Variants in PTPRM observed in about 807,000 individuals in gnomAD.
PTPRM encodes protein tyrosine phosphatase receptor type M, also known as receptor-type tyrosine-protein phosphatase mu.
Under a neutral mutation model 186.7 loss-of-function variants are expected in PTPRM, and 47 were observed. That is an observed-to-expected ratio of 0.25 (90% CI 0.20 to 0.32). The LOEUF (loss-of-function observed/expected upper bound fraction) is 0.32. Among genes scored for constraint, PTPRM ranks in the 10% least tolerant of loss-of-function variants. PTPRM has a pLI of 1.00. For missense variants in PTPRM, 1,494 were observed against 1,865.0 expected (o/e 0.80, Z 3.66); for synonymous variants, 668 against 674.9 (o/e 0.99, Z 0.16).
At chr18:8,031,577 C>T (rs574114449) in intron 7 of PTPRM, among the ~76,000 whole-genome samples, 49 of 152,204 alleles carry the variant, frequency 3.2e-4, no homozygotes, top group African/African-American at 1.1e-3. Flanking sequence ...GAATGAATTA[C>T]AGAAAGACAT....
At chr18:7,811,518 G>A (rs1194884229) in intron 2 of PTPRM, among the ~76,000 whole-genome samples, 3 of 152,134 alleles carry the variant, frequency 2.0e-5, no homozygotes, top group Admixed American at 6.5e-5. Flanking sequence ...CCACCAAGCC[G>A]AGTTCATTTT....
chr18:7,651,113 G>A (rs2038692354), intron 1 of PTPRM, among the ~76,000 whole-genome samples: 1 of 151,650 alleles, frequency 6.6e-6, no homozygotes, highest in African/African-American at 2.4e-5. Context: ...TGTATTTTTA[G>A]TAGAGATGGA....
intron 7 of PTPRM, chr18:8,049,411 A>G (rs959504321): frequency 2.0e-5 from 3 of 152,242 alleles, no homozygotes; most frequent in Non-Finnish European, 4.4e-5. Flanking sequence ...AAACTTGGAA[A>G]GGCTTTTCAC....
intron 7 of PTPRM, among the ~76,000 whole-genome samples, chr18:8,023,631 A>G (rs1238263064): frequency 6.6e-6 from 1 of 152,200 alleles, no homozygotes; most frequent in African/African-American, 2.4e-5. Flanking sequence ...TAGACTAAGT[A>G]ATGTGAGAGG....
intron 1 of PTPRM, among the ~76,000 whole-genome samples, chr18:7,593,891 A>G (rs774136067): frequency 8.5e-5 from 13 of 152,178 alleles, no homozygotes; most frequent in Non-Finnish European, 1.6e-4. Context: ...GTGGAGACCA[A>G]GACTTAGAAA....
intron 7 of PTPRM, among the ~76,000 whole-genome samples, chr18:8,015,567 C>A (rs2084806960): frequency 7.4e-6 from 1 of 136,016 alleles, no homozygotes; most frequent in Admixed American, 7.6e-5. Context: ...CTCTGATTGA[C>A]AACCTTGCTT....
At chr18:8,172,132 T>TTACA (rs1204394680) in intron 14 of PTPRM, among the ~76,000 whole-genome samples, 1 of 152,122 alleles carries the variant, frequency 6.6e-6, no homozygotes, top group Non-Finnish European at 1.5e-5. Flanking sequence ...ACTGAGCAGT[T>TTACA]TACAAAAGAA....
intron 4 of PTPRM, among the ~76,000 whole-genome samples, chr18:7,919,592 T>C (rs1056655857): frequency 1.3e-5 from 2 of 152,184 alleles, no homozygotes; most frequent in Admixed American, 6.5e-5. Context: ...ATATTATTTC[T>C]ACTTTTTTAA....
At chr18:8,247,292 G>A (rs2094485971) in intron 15 of PTPRM, among the ~76,000 whole-genome samples, 1 of 152,176 alleles carries the variant, frequency 6.6e-6, no homozygotes, top group Non-Finnish European at 1.5e-5. Flanking sequence ...GAGTGTTTCA[G>A]AGGAATATTT....
rs531571037 is a variant in PTPRM at position 8,119,440 on chromosome 18, A to G, written c.2167+4613A>G. 5.9e-5 allele frequency among the ~76,000 whole-genome samples: 9 copies of G among 152,300 alleles called. 1 individual carries two copies. The highest frequency in any genetic ancestry group is 2.2e-4 in the African/African-American group (9 of 41,570). On this transcript the variant is annotated intron_variant, in intron 13 of 32. Transcript: ENST00000580170. ...TAATTAAGATTCCGTTTAATTTCTC[A>G]TATTCTCTACATGAGAAAACCAATT... is the stretch of plus-strand genomic sequence containing the variant.
intron 7 of PTPRM, among the ~76,000 whole-genome samples, chr18:7,967,678 A>T (rs1321097371): frequency 7.5e-6 from 1 of 133,764 alleles, no homozygotes. Flanking sequence ...TCAGGAGCCG[A>T]TGCGATCAAC....
At chr18:7,610,427 C>G (rs2037644528) in intron 1 of PTPRM, among the ~76,000 whole-genome samples, 1 of 151,972 alleles carries the variant, frequency 6.6e-6, no homozygotes, top group African/African-American at 2.4e-5. Flanking sequence ...CCTCCAGAAC[C>G]CTTTAAGAAG....
At chr18:7,871,106 T>G (rs949872463) in intron 2 of PTPRM, among the ~76,000 whole-genome samples, 5 of 152,222 alleles carry the variant, frequency 3.3e-5, no homozygotes, top group Non-Finnish European at 7.3e-5. Context: ...GTTGCTTTCC[T>G]AGAAAGCCAT....
At chr18:8,343,671 T>C (rs2095487607) in intron 23 of PTPRM, 151 bp downstream of exon 23, 2 of 610,780 alleles carry the variant, frequency 3.3e-6, no homozygotes, top group Non-Finnish European at 2.8e-6. Context: ...CACTTGCTTA[T>C]AAATTATCAG....
chr18:7,882,266 A>G (rs1301913213), intron 2 of PTPRM, among the ~76,000 whole-genome samples: 1 of 152,154 alleles, frequency 6.6e-6, no homozygotes, highest in Non-Finnish European at 1.5e-5. Flanking sequence ...CTAGCAATTC[A>G]TGTTTATTGT....
Position 8,380,388 on chromosome 18 carries a change from C to T in PTPRM, c.3879C>T (p.Cys1293=), listed in dbSNP as rs200427248. ...DFWRLVLDYH[C]TSVVMLNDVD... is the part of the protein sequence containing the mutation. ...GGAGACTGGTCCTGGATTATCACTG[C>T]ACATCCGTAGTTATGCTAAATGATG... The change falls in exon 29 of 33, where the codon TGC becomes TGT. Residue 1293 remains cysteine, a synonymous_variant. Coordinates refer to ENST00000580170, the MANE Select transcript of PTPRM (RefSeq NM_001105244.2). 3.7e-6 allele frequency: 6 copies of T among 1,614,208 alleles called. No individual in the cohort carries two copies. The highest frequency in any genetic ancestry group is 2.7e-5 in the African/African-American group (2 of 75,038).
At position 7,676,582 on chromosome 18, in the gene PTPRM, C is replaced by T. The variant is rs1394615604; in HGVS notation, c.74-97567C>T. 2.6e-5 allele frequency among the ~76,000 whole-genome samples: 4 copies of T among 151,792 alleles called. No individual in the cohort carries two copies. In the East Asian group the frequency reaches 5.8e-4, roughly 22 times the overall value. ...AGTTTGTCAAGGACAAATGTTTGGTCCATGTCCCACCAGGGCAGGTTTTCT... is the reference window on the plus strand; with the variant it reads ...AGTTTGTCAAGGACAAATGTTTGGTTCATGTCCCACCAGGGCAGGTTTTCT... On this transcript the variant is annotated intron_variant, in intron 1 of 32. Transcript: ENST00000580170.
intron 4 of PTPRM, 144 bp downstream of exon 4, chr18:7,906,727 C>T: frequency 1.5e-6 from 1 of 660,256 alleles, no homozygotes; most frequent in Non-Finnish European, 2.7e-6. Context: ...GTTTGCCAGC[C>T]CAGAAATCCA....
chr18:7,624,185 GGGACCTTAACTCCCAGC>G (rs894584915), intron 1 of PTPRM, among the ~76,000 whole-genome samples: 1 of 152,134 alleles, frequency 6.6e-6, no homozygotes, highest in Non-Finnish European at 1.5e-5. Flanking sequence ...AGCGGTGAGT[GGGACCTTAACTCCCAGC>G]AACTGCTTTT....
Sources: allele counts gnomAD v4.1 joint callset (sites outside exome capture counted in the v4.1 genomes callset), GRCh38; gene constraint gnomAD v4.1.1; transcripts MANE v1.5; gene names NCBI Gene and HGNC (gene_info 2026-07-23, HGNC 2026-07-21).